The following SGCZ variants were observed in gnomAD, a reference collection of about 807,000 sequenced individuals.
The protein encoded by SGCZ is sarcoglycan zeta.
In SGCZ, 40 loss-of-function variants were observed where a neutral mutation model predicts 41.3. The observed-to-expected ratio is 0.97, with a 90% CI of 0.75 to 1.26. The LOEUF is 1.26. SGCZ is among the 50% of genes most tolerant of loss of function. The probability of loss-of-function intolerance (pLI) is 0.00; values close to 1 mark genes in which losing one functional copy is unlikely to be tolerated. For synonymous variants in SGCZ, 206 were observed against 137.5 expected (o/e 1.50, Z -3.49); for missense variants, 552 against 369.8 (o/e 1.49, Z -4.04).
chr8:14,573,667 C>A (rs2117237901), intron 1 of SGCZ, among the ~76,000 whole-genome samples: 1 of 152,044 alleles, frequency 6.6e-6, no homozygotes, highest in East Asian at 1.9e-4. Context: ...AGACTGGTTC[C>A]CAATTTCCAG....
intron 1 of SGCZ, chr8:14,879,294 C>G (rs1323760551): frequency 1.3e-5 from 2 of 152,042 alleles, no homozygotes; most frequent in Non-Finnish European, 2.9e-5. Flanking sequence ...TGCCACCTCA[C>G]TCCAGCCTGG....
chr8:14,834,608 G>A (rs1802636394), intron 1 of SGCZ, among the ~76,000 whole-genome samples: 2 of 152,144 alleles, frequency 1.3e-5, no homozygotes, highest in South Asian at 4.1e-4. Context: ...GAGAGAAACT[G>A]AAAACTATTG....
At chr8:14,808,464 CA>C (rs1326370721) in intron 1 of SGCZ, among the ~76,000 whole-genome samples, 3 of 151,948 alleles carry the variant, frequency 2.0e-5, no homozygotes, top group Non-Finnish European at 2.9e-5. Context: ...TTTATGCAGC[CA>C]AAAAACACAT....
chr8:15,111,897 T>A (rs1196946999), intron 1 of SGCZ, among the ~76,000 whole-genome samples: 2 of 106,820 alleles, frequency 1.9e-5, no homozygotes, highest in African/African-American at 8.8e-5. Flanking sequence ...AGACTCCGTC[T>A]CCCAAAAAAA....
chr8:14,950,982 G>C (rs530921533), intron 1 of SGCZ, among the ~76,000 whole-genome samples: 1 of 151,994 alleles, frequency 6.6e-6, no homozygotes, highest in African/African-American at 2.4e-5. Flanking sequence ...CAAAACTGGA[G>C]AGCAAAGGGA....
chr8:14,385,202 G>C (rs1416313083), intron 2 of SGCZ, among the ~76,000 whole-genome samples: 1 of 152,124 alleles, frequency 6.6e-6, no homozygotes, highest in African/African-American at 2.4e-5. Flanking sequence ...ACATGGAGTT[G>C]AGAGAGATGC....
At chr8:14,201,053 G>C (rs527247847) in intron 4 of SGCZ, among the ~76,000 whole-genome samples, 1 of 152,230 alleles carries the variant, frequency 6.6e-6, no homozygotes, top group Non-Finnish European at 1.5e-5. Context: ...AATATAGCTA[G>C]TAATTAGGAA....
chr8:14,632,709 T>C (rs957895434), intron 1 of SGCZ, among the ~76,000 whole-genome samples: 2 of 152,040 alleles, frequency 1.3e-5, no homozygotes, highest in African/African-American at 4.8e-5. Context: ...AATCAGGAGA[T>C]TAGTCCAAGT....
At chr8:15,077,755 G>C (rs17120868) in intron 1 of SGCZ, among the ~76,000 whole-genome samples, 22,190 of 152,102 alleles carry the variant, frequency 0.15, 1,669 homozygotes, top group Middle Eastern at 0.21. Context: ...GATAAAGGTA[G>C]ACACTAAACA....
At chr8:14,256,377 G>GA (rs1468437636) in intron 3 of SGCZ, among the ~76,000 whole-genome samples, 1 of 152,026 alleles carries the variant, frequency 6.6e-6, no homozygotes, top group Non-Finnish European at 1.5e-5. Context: ...GTCAGGGGGT[G>GA]AAAAATGGAA....
At chr8:15,151,475 A>G (rs1374512297) in intron 1 of SGCZ, among the ~76,000 whole-genome samples, 3 of 152,232 alleles carry the variant, frequency 2.0e-5, no homozygotes, top group Non-Finnish European at 4.4e-5. Flanking sequence ...AAAAGTTGGA[A>G]AATATAACAT....
intron 2 of SGCZ, among the ~76,000 whole-genome samples, chr8:14,551,457 ATATATATTATATATAT>A (rs1431422135): frequency 0.013 from 86 of 6,868 alleles, 1 homozygote; most frequent in African/African-American, 0.028. Flanking sequence ...TATATATATT[ATATATATTATATATAT>A]TATATATTAT....
chr8:14,734,699 C>T (rs1408501267), intron 1 of SGCZ, among the ~76,000 whole-genome samples: 1 of 152,098 alleles, frequency 6.6e-6, no homozygotes, highest in Non-Finnish European at 1.5e-5. Context: ...GCTTCCTCTA[C>T]ATTAAGTGCT....
intron 1 of SGCZ, among the ~76,000 whole-genome samples, chr8:14,883,421 T>G (rs867259687): frequency 5.3e-5 from 8 of 152,054 alleles, no homozygotes; most frequent in African/African-American, 1.9e-4. Flanking sequence ...TATTCAATAT[T>G]ATACATTAAA....
chr8:15,151,923 C>T (rs1041993793), intron 1 of SGCZ, among the ~76,000 whole-genome samples: 1 of 152,064 alleles, frequency 6.6e-6, no homozygotes. Context: ...GTGTAAACCA[C>T]ATACACTAAG....
chr8:14,591,686 A>G (rs1805245366), intron 1 of SGCZ, among the ~76,000 whole-genome samples: 1 of 152,138 alleles, frequency 6.6e-6, no homozygotes, highest in African/African-American at 2.4e-5. Context: ...TTAAAGTGCA[A>G]AGTTTTAACT....
chr8:14,509,905 C>A (rs111946240), intron 2 of SGCZ, among the ~76,000 whole-genome samples: 2,412 of 152,082 alleles, frequency 0.016, 58 homozygotes, highest in African/African-American at 0.056. Context: ...CTCACTATCA[C>A]AAGAACAGCA....
chr8:15,228,064 A>G (rs182108430), intron 1 of SGCZ, among the ~76,000 whole-genome samples: 31 of 152,354 alleles, frequency 2.0e-4, no homozygotes, highest in Admixed American at 6.5e-4. Flanking sequence ...AAAAAAGTCG[A>G]TACTTGCAGA....
At chr8:14,283,897 G>C (rs1800532427) in intron 3 of SGCZ, among the ~76,000 whole-genome samples, 1 of 152,172 alleles carries the variant, frequency 6.6e-6, no homozygotes. Flanking sequence ...ATTGACCTAA[G>C]AAACTTTTGT....
Sources: gnomAD v4.1 joint callset for allele counts (sites outside exome capture counted in the v4.1 genomes callset) on GRCh38, gnomAD v4.1.1 for gene constraint, MANE v1.5 for transcripts, NCBI Gene and HGNC (gene_info 2026-07-23, HGNC 2026-07-21) for gene names.